TGFBRAP1: variants seen among roughly 807,000 people sequenced by gnomAD.
TGFBRAP1 encodes the protein transforming growth factor beta receptor associated protein 1.
Under a neutral mutation model 83.2 loss-of-function variants are expected in TGFBRAP1, and 20 were observed. The ratio of observed to expected loss-of-function variants is 0.24; its 90% CI spans 0.17 to 0.35. The LOEUF (loss-of-function observed/expected upper bound fraction) is 0.35. Ranked by LOEUF, TGFBRAP1 falls within the 10% of genes least tolerant of loss-of-function variation. The pLI is 1.00. For synonymous variants in TGFBRAP1, 415 were observed against 459.8 expected (o/e 0.90, Z 1.25); for missense variants, 950 against 1,099.4 (o/e 0.86, Z 1.92).
the TGFBRAP1 span, among the ~76,000 whole-genome samples, chr2:105,255,922 C>A: frequency 6.6e-6 from 1 of 152,142 alleles, no homozygotes; most frequent in Non-Finnish European, 1.5e-5. Flanking sequence ...TGTGGCCCTG[C>A]ATGGGATGCT....
chr2:105,310,516 G>T (rs1458385924), intron 1 of TGFBRAP1, among the ~76,000 whole-genome samples: 2 of 152,080 alleles, frequency 1.3e-5, no homozygotes, highest in Non-Finnish European at 2.9e-5. Context: ...CTATGGAAAA[G>T]AGCTGGGGGA....
rs529949477 is a variant in TGFBRAP1 at position 105,295,768 on chromosome 2, G to A, written c.1038+588C>T. ...AGAGGTTGCAGTGAGCCGAGATCGC[G>A]TCACTGCACTCCAGCCTGTCGACAG... is the stretch of plus-strand genomic sequence containing the variant. On this transcript the variant is annotated intron_variant, in intron 4 of 11. Transcript: ENST00000393359. 1.9e-4 allele frequency among the ~76,000 whole-genome samples: 27 copies of A among 141,182 alleles called. No individual in the cohort carries two copies. The East Asian group carries it at 4.6e-3, about 24-fold the overall frequency. The allele number at this position is 141,182 out of a possible 152,430, so 92.6% of individuals were successfully genotyped here.
rs200664212 is a variant in TGFBRAP1, at chr2:105,298,635, C to T, written c.759G>A (p.Ala253=). The T allele has an allele frequency of 1.9e-5, 30 of 1,614,004 alleles. No individual in the cohort carries two copies. Among genetic ancestry groups the T allele is most frequent in the African/African-American group, 5.3e-5 (4 of 75,034 alleles). ...CTATGACGTATGGAAAGGACACAGCCGCCCCAATCACATTCTCCGACCAGT... is the reference window on the plus strand; with the variant it reads ...CTATGACGTATGGAAAGGACACAGCTGCCCCAATCACATTCTCCGACCAGT... ...PVHWSENVIG[A]AVSFPYVIAL... Residue 253 remains alanine (A), a synonymous_variant, in exon 3 of 12, where the codon GCG becomes GCA. Coordinates refer to ENST00000393359, the MANE Select transcript of TGFBRAP1 (RefSeq NM_004257.6).
intron 2 of TGFBRAP1, among the ~76,000 whole-genome samples, chr2:105,306,150 C>T (rs925520714): frequency 1.3e-5 from 2 of 150,230 alleles, no homozygotes; most frequent in Admixed American, 1.3e-4. Flanking sequence ...GCAACTGCTG[C>T]CTCCTGGGTT....
chr2:105,302,264 CA>C (rs1222725488), intron 2 of TGFBRAP1, among the ~76,000 whole-genome samples: 2 of 152,116 alleles, frequency 1.3e-5, no homozygotes, highest in African/African-American at 4.8e-5. Flanking sequence ...TAAAATGGTG[CA>C]ACCTTTATCA....
intron 1 of TGFBRAP1, among the ~76,000 whole-genome samples, chr2:105,321,732 A>C (rs547376758): frequency 1.0e-3 from 159 of 152,318 alleles, no homozygotes; most frequent in African/African-American, 3.8e-3. Context: ...AATTCCTATC[A>C]CCTAGTGACA....
At chr2:105,276,778 TTTG>T (rs1677365195) in intron 7 of TGFBRAP1, among the ~76,000 whole-genome samples, 3 of 152,174 alleles carry the variant, frequency 2.0e-5, no homozygotes, top group African/African-American at 2.4e-5. Flanking sequence ...AACTCCATTT[TTTG>T]TTGTTGTTGT....
At chr2:105,304,502 G>T (rs1484515003) in intron 2 of TGFBRAP1, among the ~76,000 whole-genome samples, 1 of 152,212 alleles carries the variant, frequency 6.6e-6, no homozygotes, top group African/African-American at 2.4e-5. Flanking sequence ...CATATTACCG[G>T]CTGGGCACAG....
chr2:105,306,988 C>T (rs768062712), intron 2 of TGFBRAP1, among the ~76,000 whole-genome samples: 16 of 152,166 alleles, frequency 1.1e-4, no homozygotes, highest in Non-Finnish European at 2.1e-4. Flanking sequence ...ACCGGCTGTA[C>T]ATGTGCACCA....
chr2:105,272,967 C>T lies in TGFBRAP1; in HGVS notation c.1860G>A (p.Val620=), dbSNP rs754485336. The part of the protein sequence containing the change: ...THLAVLYLEE[V]LLQRASASGK... ...CACTGGCGGAGGCCCTCTGCAGCAG[C>T]ACCTCTTCCAGGTACAGCACAGCTA... is the stretch of plus-strand genomic sequence containing the variant. The change falls in exon 10 of 12, where the codon GTG becomes GTA. Residue 620 remains valine, a synonymous_variant. Coordinates refer to ENST00000393359, the MANE Select transcript of TGFBRAP1 (RefSeq NM_004257.6). 1 of 1,613,712 alleles carries T rather than the reference C, an allele frequency of 6.2e-7. No homozygotes were observed. Among genetic ancestry groups the T allele is most frequent in the South Asian group, 1.1e-5 (1 of 91,068 alleles).
chr2:105,251,381 C>T, the TGFBRAP1 span, among the ~76,000 whole-genome samples: 1 of 149,938 alleles, frequency 6.7e-6, no homozygotes, highest in Admixed American at 6.6e-5. Context: ...GCCCCGCCGC[C>T]CATTGTCTGA....
At chr2:105,280,995 C>A (rs950385216) in intron 5 of TGFBRAP1, among the ~76,000 whole-genome samples, 4 of 152,044 alleles carry the variant, frequency 2.6e-5, no homozygotes, top group African/African-American at 7.2e-5. Flanking sequence ...CACCAAAATG[C>A]CTATGATGAA....
At chr2:105,274,381 C>A (rs1051476042) in intron 8 of TGFBRAP1, among the ~76,000 whole-genome samples, 1 of 152,190 alleles carries the variant, frequency 6.6e-6, no homozygotes, top group Non-Finnish European at 1.5e-5. Flanking sequence ...CGCACCTCCC[C>A]CCTCCAAGGC....
chr2:105,326,724 A>T (rs1290936350), intron 1 of TGFBRAP1, among the ~76,000 whole-genome samples: 1 of 152,168 alleles, frequency 6.6e-6, no homozygotes, highest in Non-Finnish European at 1.5e-5. Context: ...GTCTCAAAAA[A>T]AGAAAAAAAA....
In TGFBRAP1 at chr2:105,309,673, G is replaced by A. The variant is rs568395573; in HGVS notation, c.-17-1355C>T. ...AGCTCTACAAAACCCCCAGGAGGGAGGATACCCCAGGGTTGAGGAGGAGGC... is the reference window on the plus strand; with the variant it reads ...AGCTCTACAAAACCCCCAGGAGGGAAGATACCCCAGGGTTGAGGAGGAGGC... On this transcript the variant is annotated intron_variant, in intron 1 of 11. Transcript: ENST00000393359. Among the ~76,000 whole-genome samples, 8 of 152,296 alleles carry A rather than the reference G, an allele frequency of 5.3e-5. No individual in the cohort carries two copies. In the South Asian group the frequency reaches 1.5e-3, roughly 28 times the overall value.
At chr2:105,287,339 T>C (rs1024039669) in intron 4 of TGFBRAP1, among the ~76,000 whole-genome samples, 1 of 152,184 alleles carries the variant, frequency 6.6e-6, no homozygotes. Context: ...CACTTAAAAA[T>C]AGTTAAAATG....
In TGFBRAP1 at chr2:105,310,376, T is replaced by C. The variant is rs1678651783; in HGVS notation, c.-17-2058A>G. On this transcript the variant is annotated intron_variant, in intron 1 of 11. Transcript: ENST00000393359. ...GATTAGACTATGCTGTCTTCTGTCC[T>C]CAGATATGGGTAACCTGTTCACCTC... Among the ~76,000 whole-genome samples the C allele has an allele frequency of 2.0e-5, 3 of 152,162 alleles. No homozygotes were observed. In the South Asian group the frequency reaches 6.2e-4, roughly 32 times the overall value.
At chr2:105,305,385 T>C (rs1397492220) in intron 2 of TGFBRAP1, among the ~76,000 whole-genome samples, 1 of 152,172 alleles carries the variant, frequency 6.6e-6, no homozygotes, top group Non-Finnish European at 1.5e-5. Context: ...CCCTGTACCA[T>C]AAACACATAC....
the TGFBRAP1 span, among the ~76,000 whole-genome samples, chr2:105,250,698 T>C: frequency 6.6e-6 from 1 of 151,574 alleles, no homozygotes; most frequent in Non-Finnish European, 1.5e-5. Flanking sequence ...CTCCCCCTGA[T>C]GCCGAGCCAA....
Sources: allele counts gnomAD v4.1 joint callset (sites outside exome capture counted in the v4.1 genomes callset), GRCh38; gene constraint gnomAD v4.1.1; transcripts MANE v1.5; gene names NCBI Gene and HGNC (gene_info 2026-07-23, HGNC 2026-07-21).